SGCZ: variants seen among roughly 807,000 people sequenced by gnomAD.
SGCZ encodes the protein zeta-sarcoglycan.
In SGCZ, 40 loss-of-function variants were observed where a neutral mutation model predicts 41.3. That is an observed-to-expected ratio of 0.97 (90% CI 0.75 to 1.26). The LOEUF is 1.26. Ranked by LOEUF, SGCZ falls within the 50% of genes most tolerant of loss-of-function variation. SGCZ has a pLI of 0.00. For missense variants in SGCZ, 552 were observed against 369.8 expected, an observed-to-expected ratio of 1.49 and a Z score of -4.04; for synonymous variants, 206 against 137.5, an observed-to-expected ratio of 1.50 and a Z score of -3.49.
intron 1 of SGCZ, among the ~76,000 whole-genome samples, chr8:14,808,940 T>A (rs1291670943): frequency 1.3e-5 from 2 of 151,294 alleles, no homozygotes; most frequent in African/African-American, 4.9e-5. Context: ...GGGACATGGA[T>A]GAAATTGGAA....
intron 1 of SGCZ, among the ~76,000 whole-genome samples, chr8:15,159,896 G>C (rs1455752643): frequency 4.0e-5 from 6 of 151,596 alleles, no homozygotes; most frequent in Non-Finnish European, 8.8e-5. Context: ...AATGGTAAGT[G>C]TGCTACAACT....
At chr8:14,526,513 A>C (rs1377195140) in intron 2 of SGCZ, among the ~76,000 whole-genome samples, 1 of 152,186 alleles carries the variant, frequency 6.6e-6, no homozygotes, top group East Asian at 1.9e-4. Flanking sequence ...AATGTTTTCA[A>C]AGTTAAAGCA....
At chr8:15,181,693 A>G (rs1800185622) in intron 1 of SGCZ, among the ~76,000 whole-genome samples, 1 of 152,208 alleles carries the variant, frequency 6.6e-6, no homozygotes, top group South Asian at 2.1e-4. Context: ...ACTTTTCGAA[A>G]GTCGCTAGGG....
At chr8:15,141,452 C>A (rs779020297) in intron 1 of SGCZ, among the ~76,000 whole-genome samples, 7 of 152,224 alleles carry the variant, frequency 4.6e-5, no homozygotes, top group South Asian at 2.1e-4. Flanking sequence ...AAAAAGATGT[C>A]CACATCAGTG....
At chr8:14,395,216 T>C (rs1260422918) in intron 2 of SGCZ, among the ~76,000 whole-genome samples, 1 of 152,198 alleles carries the variant, frequency 6.6e-6, no homozygotes, top group African/African-American at 2.4e-5. Context: ...TACCACTTGG[T>C]GATTCAAAAA....
chr8:14,893,907 T>C (rs893310141), intron 1 of SGCZ, among the ~76,000 whole-genome samples: 2 of 152,198 alleles, frequency 1.3e-5, no homozygotes, highest in African/African-American at 4.8e-5. Flanking sequence ...TTGGCTTTAT[T>C]CAGCTTTATT....
At chr8:14,801,836 A>T (rs1178462426) in intron 1 of SGCZ, among the ~76,000 whole-genome samples, 1 of 151,948 alleles carries the variant, frequency 6.6e-6, no homozygotes, top group Non-Finnish European at 1.5e-5. Context: ...AATATACAAG[A>T]GGATGGTTAG....
At chr8:14,367,757 C>G (rs556388592) in intron 2 of SGCZ, among the ~76,000 whole-genome samples, 1 of 152,196 alleles carries the variant, frequency 6.6e-6, no homozygotes, top group South Asian at 2.1e-4. Context: ...CAGTTACCAC[C>G]AGGTCTCTCC....
At chr8:14,774,465 G>A (rs920301239) in intron 1 of SGCZ, among the ~76,000 whole-genome samples, 4 of 152,152 alleles carry the variant, frequency 2.6e-5, no homozygotes, top group African/African-American at 4.8e-5. Context: ...TCACACCTGT[G>A]TCCCCTACCA....
intron 2 of SGCZ, among the ~76,000 whole-genome samples, chr8:14,548,982 C>A (rs1013678888): frequency 6.6e-6 from 1 of 152,082 alleles, no homozygotes; most frequent in African/African-American, 2.4e-5. Context: ...CTGTTAAAGG[C>A]CAGATTACTT....
intron 1 of SGCZ, among the ~76,000 whole-genome samples, chr8:14,920,122 A>G (rs1184203513): frequency 7.9e-5 from 12 of 152,146 alleles, no homozygotes; most frequent in Admixed American, 6.5e-4. Context: ...TAAATTTTGT[A>G]TCATTTACAA....
At chr8:14,610,128 G>T (rs1055937941) in intron 1 of SGCZ, among the ~76,000 whole-genome samples, 1 of 152,162 alleles carries the variant, frequency 6.6e-6, no homozygotes, top group Non-Finnish European at 1.5e-5. Context: ...TAGCTACTTT[G>T]CAGAGACCAG....
chr8:14,820,683 A>G (rs960053524), intron 1 of SGCZ, among the ~76,000 whole-genome samples: 1 of 152,046 alleles, frequency 6.6e-6, no homozygotes, highest in African/African-American at 2.4e-5. Context: ...GTCAACAAGA[A>G]AAACTTCAGA....
At chr8:14,701,236 T>G (rs891715653) in intron 1 of SGCZ, among the ~76,000 whole-genome samples, 1 of 151,982 alleles carries the variant, frequency 6.6e-6, no homozygotes, top group Non-Finnish European at 1.5e-5. Context: ...TGTTCAACAG[T>G]CAAGTCTTTA....
At chr8:14,733,953 T>A (rs990123591) in intron 1 of SGCZ, among the ~76,000 whole-genome samples, 22 of 152,236 alleles carry the variant, frequency 1.4e-4, no homozygotes, top group Admixed American at 3.9e-4. Context: ...TAAACCCATG[T>A]TGAAAAGACG....
At chr8:14,862,535 G>GATATAT (rs59769861) in intron 1 of SGCZ, among the ~76,000 whole-genome samples, 40 of 61,566 alleles carry the variant, frequency 6.5e-4, no homozygotes, top group African/African-American at 7.0e-4. Context: ...GCATCTTTAA[G>GATATAT]ATATATATAT....
intron 1 of SGCZ, among the ~76,000 whole-genome samples, chr8:14,911,872 A>C (rs1799289380): frequency 6.6e-6 from 1 of 151,948 alleles, no homozygotes; most frequent in South Asian, 2.1e-4. Context: ...GAAAGTCTAA[A>C]TAATAAAAAT....
At chr8:14,522,660 T>A (rs7846308) in intron 2 of SGCZ, among the ~76,000 whole-genome samples, 101,758 of 151,392 alleles carry the variant, frequency 0.67, 34,292 homozygotes, top group South Asian at 0.75. Context: ...TCATTTTTTT[T>A]AAAAAATACA....
At chr8:14,517,614 T>C (rs1233009444) in intron 2 of SGCZ, among the ~76,000 whole-genome samples, 2 of 152,042 alleles carry the variant, frequency 1.3e-5, no homozygotes. Context: ...GTTTAGAAAT[T>C]ATTACAAAAT....
Sources: gnomAD v4.1 joint callset for allele counts (sites outside exome capture counted in the v4.1 genomes callset) on GRCh38, gnomAD v4.1.1 for gene constraint, MANE v1.5 for transcripts, NCBI Gene and HGNC (gene_info 2026-07-23, HGNC 2026-07-21) for gene names.